Variants in RIMS2 observed in about 807,000 individuals in gnomAD.
RIMS2 encodes regulating synaptic membrane exocytosis protein 2.
In RIMS2, 59 loss-of-function variants were observed where a neutral mutation model predicts 174.4. The observed-to-expected ratio is 0.34, with a 90% CI of 0.27 to 0.42. RIMS2 has a LOEUF of 0.42. RIMS2 is among the 10% of genes least tolerant of loss of function. RIMS2 has a pLI of 1.00. For missense variants in RIMS2, 1,620 were observed against 1,666.3 expected, an observed-to-expected ratio of 0.97 and a Z score of 0.48; for synonymous variants, 606 against 572.5, an observed-to-expected ratio of 1.06 and a Z score of -0.84.
intron 19 of RIMS2, among the ~76,000 whole-genome samples, chr8:104,031,841 G>A (rs556129684): frequency 7.9e-5 from 12 of 152,182 alleles, no homozygotes; most frequent in African/African-American, 2.2e-4. Flanking sequence ...TTTAAAATGC[G>A]TGTGTGCTTG....
intron 19 of RIMS2, among the ~76,000 whole-genome samples, chr8:104,121,291 A>G (rs2098370472): frequency 6.6e-6 from 1 of 152,182 alleles, no homozygotes; most frequent in Admixed American, 6.5e-5. Flanking sequence ...ATAAATAGGA[A>G]AGAATCTGGG....
intron 15 of RIMS2, among the ~76,000 whole-genome samples, chr8:103,966,491 T>C (rs886772542): frequency 2.6e-5 from 4 of 152,128 alleles, no homozygotes; most frequent in Admixed American, 2.6e-4. Context: ...TTTCTGATAT[T>C]AGTAATTTTT....
intron 1 of RIMS2, among the ~76,000 whole-genome samples, chr8:103,661,548 G>T (rs2096600402): frequency 6.6e-6 from 1 of 151,972 alleles, no homozygotes; most frequent in Non-Finnish European, 1.5e-5. Context: ...CTGTCACCCA[G>T]GCTGGAGTGC....
intron 3 of RIMS2, among the ~76,000 whole-genome samples, chr8:103,814,120 CATT>C (rs2098704730): frequency 6.6e-6 from 1 of 152,008 alleles, no homozygotes; most frequent in Non-Finnish European, 1.5e-5. Context: ...AGCTAGAGGT[CATT>C]ATTCATAGCA....
At chr8:104,164,412 C>CA (rs199900292) in intron 19 of RIMS2, among the ~76,000 whole-genome samples, 2 of 120,466 alleles carry the variant, frequency 1.7e-5, no homozygotes, top group Non-Finnish European at 3.5e-5. Context: ...AAGTTTTTTC[C>CA]AAAAAAATAA....
rs145760809 is a variant in RIMS2, at chr8:103,873,305, C to A, written c.699-11993C>A. Among the ~76,000 whole-genome samples, 646 of 152,200 alleles carry A rather than the reference C, an allele frequency of 4.2e-3. 3 individuals are homozygous for A. The highest frequency in any genetic ancestry group is 6.6e-3 in the Non-Finnish European group (452 of 67,992). ...CAGAGAGTGTACATTCCTGTTCCTG[C>A]CACAAGTTTTATAGAAACAGGCTGT... On this transcript the variant is annotated intron_variant, in intron 3 of 23. Coordinates refer to ENST00000504942, the Ensembl canonical transcript of RIMS2.
Position 104,242,875 on chromosome 8 carries a change from T to C in RIMS2, c.3335-2041T>C, listed in dbSNP as rs185721339. On this transcript the variant is annotated intron_variant, in intron 19 of 23. Coordinates refer to ENST00000504942, the Ensembl canonical transcript of RIMS2. ...AAATGGTGGCAGCCTGGTCTCCCAG[T>C]GTTAAAGTACTTTTTTTTTCCTTTA... 3.3e-4 allele frequency among the ~76,000 whole-genome samples: 51 copies of C among 152,336 alleles called. 2 individuals carry two copies. The highest frequency in any genetic ancestry group is 1.1e-3 in the African/African-American group (44 of 41,574).
chr8:104,067,680 CT>C (rs1174629856), intron 19 of RIMS2, among the ~76,000 whole-genome samples: 2 of 152,298 alleles, frequency 1.3e-5, no homozygotes, highest in Admixed American at 1.3e-4. Context: ...GCATGAGCCA[CT>C]GTGCCTGCCC....
chr8:103,931,413 T>G lies in RIMS2; in HGVS notation c.2375+20T>G. ...CAGAAGGTAAGGATATAAAACAAAA[T>G]AAATGTTCTGGAAAATAAATGAGAA... On this transcript the variant is annotated intron_variant, in intron 12 of 23. Coordinates refer to ENST00000504942, the Ensembl canonical transcript of RIMS2. The G allele has an allele frequency of 6.6e-7, 1 of 1,524,714 alleles. No homozygotes were observed. Among genetic ancestry groups the G allele is most frequent in the Non-Finnish European group, 8.9e-7 (1 of 1,126,952 alleles). 94.4% of individuals were successfully genotyped at this position (1,524,714 alleles called of 1,614,324 possible). A position where few individuals can be genotyped will look rare whatever the true frequency, so the allele number is the denominator to read the frequency against.
chr8:104,024,759 T>C (rs1422529069), intron 19 of RIMS2, among the ~76,000 whole-genome samples: 2 of 152,198 alleles, frequency 1.3e-5, no homozygotes, highest in Non-Finnish European at 2.9e-5. Context: ...GTGTAACTTA[T>C]ATAAAGTGTC....
At chr8:103,804,314 G>A (rs1235265356) in intron 3 of RIMS2, among the ~76,000 whole-genome samples, 2 of 152,150 alleles carry the variant, frequency 1.3e-5, no homozygotes, top group African/African-American at 4.8e-5. Flanking sequence ...ATGCATATAG[G>A]TTTGACCCTG....
intron 3 of RIMS2, among the ~76,000 whole-genome samples, chr8:103,777,671 G>A (rs2098333222): frequency 6.6e-6 from 1 of 151,916 alleles, no homozygotes; most frequent in African/African-American, 2.4e-5. Flanking sequence ...GATATAGACA[G>A]AAAATAAATA....
At chr8:104,129,742 C>T (rs1367266229) in intron 19 of RIMS2, among the ~76,000 whole-genome samples, 1 of 152,178 alleles carries the variant, frequency 6.6e-6, no homozygotes, top group Non-Finnish European at 1.5e-5. Context: ...CCATGTTTTA[C>T]CTTGGGATTG....
intron 19 of RIMS2, among the ~76,000 whole-genome samples, chr8:104,047,186 G>T (rs1013981831): frequency 1.3e-5 from 2 of 151,312 alleles, no homozygotes; most frequent in Non-Finnish European, 3.0e-5. Flanking sequence ...TTAAAATGAG[G>T]TTTGGAATGC....
chr8:104,038,282 A>G (rs923153339), intron 19 of RIMS2, among the ~76,000 whole-genome samples: 2 of 151,962 alleles, frequency 1.3e-5, no homozygotes, highest in Non-Finnish European at 2.9e-5. Flanking sequence ...GTATGATGGA[A>G]TGAACAAAAA....
intron 14 of RIMS2, among the ~76,000 whole-genome samples, chr8:103,954,838 A>C (rs1023125748): frequency 6.6e-6 from 1 of 151,754 alleles, no homozygotes. Flanking sequence ...AAAGACAAAC[A>C]AAACAGACTA....
At chr8:103,794,727 A>C (rs2098535853) in intron 3 of RIMS2, among the ~76,000 whole-genome samples, 1 of 152,218 alleles carries the variant, frequency 6.6e-6, no homozygotes, top group African/African-American at 2.4e-5. Flanking sequence ...GTACTTAAAC[A>C]AATTTACAAG....
intron 1 of RIMS2, among the ~76,000 whole-genome samples, chr8:103,655,311 AAG>A (rs2096514809): frequency 6.6e-6 from 1 of 151,944 alleles, no homozygotes; most frequent in Non-Finnish European, 1.5e-5. Context: ...GTTTTCTGCA[AAG>A]AGAATATCAC....
chr8:103,676,754 G>C (rs756965315), intron 1 of RIMS2, among the ~76,000 whole-genome samples: 18 of 152,106 alleles, frequency 1.2e-4, no homozygotes, highest in Non-Finnish European at 2.1e-4. Context: ...AGGCCAAGGA[G>C]GGTGGATCAC....
Sources: gnomAD v4.1 joint callset for allele counts (sites outside exome capture counted in the v4.1 genomes callset) on GRCh38, gnomAD v4.1.1 for gene constraint, MANE v1.5 for transcripts, NCBI Gene and HGNC (gene_info 2026-07-23, HGNC 2026-07-21) for gene names.